JAZF1: variants seen among roughly 807,000 people sequenced by gnomAD.
JAZF1 encodes the protein juxtaposed with another zinc finger protein 1.
Under a neutral mutation model 26.4 loss-of-function variants are expected in JAZF1, and 8 were observed. That is an observed-to-expected ratio of 0.30 (90% CI 0.18 to 0.55). The LOEUF (loss-of-function observed/expected upper bound fraction) is 0.55. Ranked by LOEUF, JAZF1 falls within the 20% of genes least tolerant of loss-of-function variation. JAZF1 has a pLI of 0.94. For synonymous variants in JAZF1, 126 were observed against 122.3 expected (o/e 1.03, Z -0.20); for missense variants, 199 against 322.0 (o/e 0.62, Z 2.92).
At chr7:28,094,097 G>T (rs1784344250) in intron 1 of JAZF1, among the ~76,000 whole-genome samples, 2 of 152,154 alleles carry the variant, frequency 1.3e-5, no homozygotes, top group African/African-American at 4.8e-5. Flanking sequence ...CCACTCAGAG[G>T]TTCAAAATAG....
At chr7:27,927,447 C>A (rs1380624515) in intron 2 of JAZF1, among the ~76,000 whole-genome samples, 2 of 152,152 alleles carry the variant, frequency 1.3e-5, no homozygotes, top group Non-Finnish European at 2.9e-5. Context: ...CATCTCTGTG[C>A]CTTAGTATCT....
intron 1 of JAZF1, among the ~76,000 whole-genome samples, chr7:28,078,531 G>A (rs1451599328): frequency 6.6e-6 from 1 of 152,218 alleles, no homozygotes; most frequent in Non-Finnish European, 1.5e-5. Flanking sequence ...TTTGTGAACT[G>A]AAGATTGTAT....
At chr7:28,153,801 G>C (rs1038853870) in intron 1 of JAZF1, among the ~76,000 whole-genome samples, 1 of 152,120 alleles carries the variant, frequency 6.6e-6, no homozygotes, top group African/African-American at 2.4e-5. Context: ...AATGACCACG[G>C]TGGGGTTACC....
intron 1 of JAZF1, among the ~76,000 whole-genome samples, chr7:28,104,001 C>T (rs1172662910): frequency 6.6e-6 from 1 of 152,172 alleles, no homozygotes; most frequent in African/African-American, 2.4e-5. Context: ...TCTCCCCCTG[C>T]CCTCTTTCTC....
At chr7:27,996,013 T>C (rs575905481) in intron 1 of JAZF1, among the ~76,000 whole-genome samples, 1 of 152,338 alleles carries the variant, frequency 6.6e-6, no homozygotes, top group East Asian at 1.9e-4. Flanking sequence ...AAGCCCACGT[T>C]GATCCTCTTT....
intron 3 of JAZF1, among the ~76,000 whole-genome samples, chr7:27,887,856 T>C (rs1028154349): frequency 6.6e-6 from 1 of 152,080 alleles, no homozygotes; most frequent in African/African-American, 2.4e-5. Context: ...CAAGAAGAGA[T>C]TAAAAATAAG....
At chr7:27,839,586 C>T (rs888543148) in intron 4 of JAZF1, among the ~76,000 whole-genome samples, 1 of 152,168 alleles carries the variant, frequency 6.6e-6, no homozygotes, top group Non-Finnish European at 1.5e-5. Flanking sequence ...CCTCTGCCAG[C>T]CCTCAGAGGC....
chr7:28,172,540 A>T (rs1783485937), intron 1 of JAZF1, among the ~76,000 whole-genome samples: 1 of 152,234 alleles, frequency 6.6e-6, no homozygotes, highest in Non-Finnish European at 1.5e-5. Context: ...TTCTAATAGT[A>T]TATTTGTATT....
intron 3 of JAZF1, among the ~76,000 whole-genome samples, chr7:27,891,270 A>G (rs1027509874): frequency 2.0e-5 from 3 of 152,208 alleles, no homozygotes; most frequent in Non-Finnish European, 4.4e-5. Context: ...AAAACTTTTA[A>G]TAAAACACAA....
chr7:27,972,028 AC>A (rs1447774266), intron 2 of JAZF1, among the ~76,000 whole-genome samples: 2 of 151,884 alleles, frequency 1.3e-5, no homozygotes, highest in East Asian at 3.8e-4. Flanking sequence ...GTAACAGTGT[AC>A]AACCTACTGT....
chr7:28,034,469 TACACACACACACACACAC>T (rs59979673), intron 1 of JAZF1, among the ~76,000 whole-genome samples: 1 of 145,288 alleles, frequency 6.9e-6, no homozygotes, highest in Non-Finnish European at 1.5e-5. Flanking sequence ...AGAAAACTAA[TACACACACACACACACAC>T]ACACACACAC....
chr7:28,100,088 G>A (rs1429290680), intron 1 of JAZF1, among the ~76,000 whole-genome samples: 1 of 152,230 alleles, frequency 6.6e-6, no homozygotes, highest in Non-Finnish European at 1.5e-5. Context: ...TTGGAAGGAA[G>A]AATCATGGAC....
chr7:28,167,034 A>G (rs1219561461), intron 1 of JAZF1, among the ~76,000 whole-genome samples: 1 of 152,166 alleles, frequency 6.6e-6, no homozygotes, highest in South Asian at 2.1e-4. Context: ...AAAAAGGTAA[A>G]TCCTATCAGT....
At chr7:28,033,631 CT>C (rs1447281919) in intron 1 of JAZF1, among the ~76,000 whole-genome samples, 2 of 152,186 alleles carry the variant, frequency 1.3e-5, no homozygotes, top group African/African-American at 2.4e-5. Context: ...AAATACTATC[CT>C]TTGTGCTTGA....
intron 2 of JAZF1, among the ~76,000 whole-genome samples, chr7:27,910,237 C>T (rs1784339118): frequency 6.6e-6 from 1 of 152,146 alleles, no homozygotes; most frequent in South Asian, 2.1e-4. Context: ...AACCACTATT[C>T]AGTAATGCTT....
intron 3 of JAZF1, among the ~76,000 whole-genome samples, chr7:27,890,270 A>G (rs1019105878): frequency 6.6e-6 from 1 of 152,262 alleles, no homozygotes; most frequent in Non-Finnish European, 1.5e-5. Context: ...ACAGTTTAGC[A>G]AACAGCTTGC....
intron 3 of JAZF1, among the ~76,000 whole-genome samples, chr7:27,889,893 A>C (rs2128341089): frequency 6.6e-6 from 1 of 151,644 alleles, no homozygotes; most frequent in South Asian, 2.1e-4. Context: ...AGATCACACC[A>C]CTGCACTCCA....
At chr7:27,937,600 C>T (rs2128351425) in intron 2 of JAZF1, among the ~76,000 whole-genome samples, 1 of 152,182 alleles carries the variant, frequency 6.6e-6, no homozygotes, top group East Asian at 1.9e-4. Context: ...ACTCAAAAAC[C>T]TGTAGAATAG....
chr7:27,879,860 C>A (rs1783740262), intron 3 of JAZF1, among the ~76,000 whole-genome samples: 1 of 152,136 alleles, frequency 6.6e-6, no homozygotes, highest in African/African-American at 2.4e-5. Context: ...CCTGCGAACA[C>A]TCTGAAGGAG....
Sources: allele counts gnomAD v4.1 joint callset (sites outside exome capture counted in the v4.1 genomes callset), GRCh38; gene constraint gnomAD v4.1.1; transcripts MANE v1.5; gene names NCBI Gene and HGNC (gene_info 2026-07-23, HGNC 2026-07-21).